GABRB1: variants seen among roughly 807,000 people sequenced by gnomAD.
The protein encoded by GABRB1 is gamma-aminobutyric acid type A receptor subunit beta1, also known as gamma-aminobutyric acid receptor subunit beta-1.
In GABRB1, 17 loss-of-function variants were observed where a neutral mutation model predicts 51.6. That is an observed-to-expected ratio of 0.33 (90% CI 0.23 to 0.49). The LOEUF (loss-of-function observed/expected upper bound fraction) is 0.49, where lower values mean the gene tolerates loss of function less well. Ranked by LOEUF, GABRB1 falls within the 20% of genes least tolerant of loss-of-function variation. GABRB1 has a pLI of 0.99. For missense variants in GABRB1, 410 were observed against 600.6 expected (o/e 0.68, Z 3.32); for synonymous variants, 247 against 218.9 (o/e 1.13, Z -1.14).
chr4:47,023,462 C>A (rs1396747642), intron 1 of GABRB1, among the ~76,000 whole-genome samples: 2 of 151,544 alleles, frequency 1.3e-5, no homozygotes, highest in Non-Finnish European at 3.0e-5. Flanking sequence ...ATTAAAATTG[C>A]CATTTTCAAG....
At chr4:47,142,983 G>C (rs1269916994) in intron 3 of GABRB1, among the ~76,000 whole-genome samples, 3 of 151,782 alleles carry the variant, frequency 2.0e-5, no homozygotes, top group Admixed American at 6.6e-5. Context: ...CTCATGAAAA[G>C]GATGATTTCT....
At chr4:47,320,233 GA>G (rs746246683) in intron 5 of GABRB1, 24 bp downstream of exon 5, 1 of 1,401,686 alleles carries the variant, frequency 7.1e-7, no homozygotes, top group South Asian at 1.2e-5. Context: ...ACAGGGGAAT[GA>G]AAAAGAGGGA....
intron 3 of GABRB1, among the ~76,000 whole-genome samples, chr4:47,088,873 A>C (rs1728181662): frequency 2.0e-5 from 3 of 152,122 alleles, no homozygotes; most frequent in South Asian, 4.1e-4. Context: ...AAAAACAATA[A>C]ATACTATATT....
intron 3 of GABRB1, among the ~76,000 whole-genome samples, chr4:47,094,804 T>G (rs1714322911): frequency 1.3e-5 from 2 of 151,888 alleles, no homozygotes; most frequent in South Asian, 4.2e-4. Context: ...TACTGTTTAA[T>G]TAATAGTACA....
chr4:47,131,305 C>T (rs150768782), intron 3 of GABRB1, among the ~76,000 whole-genome samples: 12 of 152,024 alleles, frequency 7.9e-5, no homozygotes, highest in African/African-American at 2.7e-4. Flanking sequence ...ATTACAGGCA[C>T]GTGCCACCAT....
chr4:47,028,535 C>T (rs904638973), upstream of GABRB1, among the ~76,000 whole-genome samples: 5 of 151,552 alleles, frequency 3.3e-5, no homozygotes, highest in East Asian at 7.7e-4. Context: ...TTGGTCACTT[C>T]GTTATCAGTT....
intron 4 of GABRB1, among the ~76,000 whole-genome samples, chr4:47,251,187 G>T (rs1016081487): frequency 3.3e-5 from 5 of 152,084 alleles, no homozygotes; most frequent in Non-Finnish European, 7.4e-5. Flanking sequence ...GTGGTTTCTT[G>T]TGGGCTCAAC....
upstream of GABRB1, among the ~76,000 whole-genome samples, chr4:47,031,119 C>T (rs1725274024): frequency 6.6e-6 from 1 of 152,104 alleles, no homozygotes; most frequent in African/African-American, 2.4e-5. Context: ...CGTTCCCTCT[C>T]TCTCCACTCT....
chr4:47,250,956 G>A (rs1296720933), intron 4 of GABRB1, among the ~76,000 whole-genome samples: 2 of 151,946 alleles, frequency 1.3e-5, no homozygotes, highest in Non-Finnish European at 2.9e-5. Context: ...GGTAAATCAG[G>A]TATTTCTTGG....
rs540358755 is a variant in GABRB1 at position 47,345,598 on chromosome 4, T to C, written c.544+25389T>C. ...AATAAATCTAATGTGGTTGTAGTAATAAGATACAAAAGACCATGGTGTGAG... is the reference window on the plus strand; with the variant it reads ...AATAAATCTAATGTGGTTGTAGTAACAAGATACAAAAGACCATGGTGTGAG... On this transcript the variant is annotated intron_variant, in intron 5 of 8. Transcript: ENST00000295454. Among the ~76,000 whole-genome samples, 5 of 152,270 alleles carry C rather than the reference T, an allele frequency of 3.3e-5. No homozygotes were observed. The East Asian group carries it at 7.7e-4, about 24-fold the overall frequency.
chr4:47,420,640 A>C (rs867226919), intron 8 of GABRB1, among the ~76,000 whole-genome samples: 8 of 152,212 alleles, frequency 5.3e-5, no homozygotes, highest in South Asian at 2.1e-4. Context: ...AATGTACAAC[A>C]TGACTTCTTG....
chr4:47,012,118 T>C (rs867631044), intron 1 of GABRB1, among the ~76,000 whole-genome samples: 47 of 152,228 alleles, frequency 3.1e-4, no homozygotes, highest in African/African-American at 1.1e-3. Context: ...CACACTTATA[T>C]ATTTTTACAT....
chr4:47,343,639 A>G (rs1460896501), intron 5 of GABRB1, among the ~76,000 whole-genome samples: 1 of 152,140 alleles, frequency 6.6e-6, no homozygotes, highest in East Asian at 1.9e-4. Context: ...GCTGAGAATG[A>G]CTGATGGACC....
chr4:47,048,467 A>T (rs944678170), intron 3 of GABRB1, among the ~76,000 whole-genome samples: 2 of 152,170 alleles, frequency 1.3e-5, no homozygotes, highest in African/African-American at 4.8e-5. Flanking sequence ...ACTGTGCTGG[A>T]TAAGAGCCTT....
At chr4:47,037,154 T>G (rs1221935229) in intron 3 of GABRB1, among the ~76,000 whole-genome samples, 1 of 152,170 alleles carries the variant, frequency 6.6e-6, no homozygotes, top group Admixed American at 6.5e-5. Context: ...GTACAGTAAC[T>G]CCACAGTACT....
chr4:47,150,708 A>G (rs1717406335), intron 3 of GABRB1, among the ~76,000 whole-genome samples: 1 of 152,012 alleles, frequency 6.6e-6, no homozygotes, highest in South Asian at 2.1e-4. Flanking sequence ...TGCCTACCAC[A>G]TTATTAATTG....
At chr4:47,395,765 TC>T (rs1170196632) in intron 5 of GABRB1, among the ~76,000 whole-genome samples, 2 of 152,090 alleles carry the variant, frequency 1.3e-5, no homozygotes, top group African/African-American at 4.8e-5. Flanking sequence ...ATCTTCCTAG[TC>T]CCCCCAAAAG....
At chr4:47,009,361 A>C (rs1003117906) in intron 1 of GABRB1, among the ~76,000 whole-genome samples, 2 of 152,080 alleles carry the variant, frequency 1.3e-5, no homozygotes, top group Admixed American at 6.6e-5. Context: ...AAAAGTTTTA[A>C]AAACACTACC....
Position 47,288,036 on chromosome 4 carries a change from C to A in GABRB1, c.462-32091C>A, listed in dbSNP as rs534224340. ...GCAGAGGCACTAAACTACATCAAGCCCAGTTTGTTGGCTCGCAAAATCTGT... is the reference window on the plus strand; with the variant it reads ...GCAGAGGCACTAAACTACATCAAGCACAGTTTGTTGGCTCGCAAAATCTGT... On this transcript the variant is annotated intron_variant, in intron 4 of 8. Coordinates refer to ENST00000295454, the MANE Select transcript of GABRB1 (RefSeq NM_000812.4). 2.0e-5 allele frequency among the ~76,000 whole-genome samples: 3 copies of A among 152,114 alleles called. No homozygotes were observed. In the South Asian group the frequency reaches 6.2e-4, roughly 32 times the overall value.
Sources: gnomAD v4.1 joint callset for allele counts (sites outside exome capture counted in the v4.1 genomes callset) on GRCh38, gnomAD v4.1.1 for gene constraint, MANE v1.5 for transcripts, NCBI Gene and HGNC (gene_info 2026-07-23, HGNC 2026-07-21) for gene names.